Variants in LDLRAD4 observed in about 807,000 individuals in gnomAD.
LDLRAD4 encodes the protein low density lipoprotein receptor class A domain containing 4, also known as low-density lipoprotein receptor class A domain-containing protein 4.
Under a neutral mutation model 17.0 loss-of-function variants are expected in LDLRAD4, and 5 were observed. The ratio of observed to expected loss-of-function variants is 0.29; its 90% CI spans 0.15 to 0.62. The LOEUF (loss-of-function observed/expected upper bound fraction) is 0.62. LDLRAD4 is among the 20% of genes least tolerant of loss of function. The pLI is 0.84. For synonymous variants in LDLRAD4, 168 were observed against 171.8 expected (o/e 0.98, Z 0.17); for missense variants, 340 against 424.7 (o/e 0.80, Z 1.75).
Position 13,621,320 on chromosome 18 carries a change from CT to C in LDLRAD4, c.336+51del. The C allele has an allele frequency of 6.8e-7, 1 of 1,461,562 alleles. No individual in the cohort carries two copies. The highest frequency in any genetic ancestry group is 9.5e-7 in the Non-Finnish European group (1 of 1,051,064). The allele number at this position is 1,461,562 out of a possible 1,614,324, so 90.5% of individuals were successfully genotyped here. ...TCCAGAGTCAGGCAGCTGCAAGAGG[CT>C]TAGGAGCCCATCAGGGTTCAGAGGC... On this transcript the variant is annotated intron_variant, in intron 4 of 5. Coordinates refer to ENST00000359446, the Ensembl canonical transcript of LDLRAD4. This position sits in a 1 kb window ranked among gnomAD's most constrained non-coding sequence, Gnocchi z 5.5.
intron 5 of LDLRAD4, chr18:13,644,887 C>T: frequency 1.9e-6 from 1 of 520,734 alleles, no homozygotes; most frequent in Non-Finnish European, 3.4e-6. Flanking sequence ...CACAGCTCTC[C>T]ATTGCTCAGC....
intron 3 of LDLRAD4, among the ~76,000 whole-genome samples, chr18:13,579,967 G>C (rs2094833306): frequency 6.6e-6 from 1 of 152,086 alleles, no homozygotes. Flanking sequence ...CTCCCTTCTA[G>C]GGCCCCTAGT....
chr18:13,545,518 T>C (rs912134420), intron 3 of LDLRAD4, among the ~76,000 whole-genome samples: 1 of 152,146 alleles, frequency 6.6e-6, no homozygotes, highest in African/African-American at 2.4e-5. Context: ...TCATCTTGTC[T>C]TGTCCTGCTG....
intron 1 of LDLRAD4, among the ~76,000 whole-genome samples, chr18:13,304,174 C>T (rs1178397132): frequency 6.6e-6 from 1 of 152,216 alleles, no homozygotes; most frequent in Non-Finnish European, 1.5e-5. Flanking sequence ...CTTCCACACT[C>T]AGGGCTCATC....
At chr18:13,412,514 T>C (rs1232843691) in intron 2 of LDLRAD4, among the ~76,000 whole-genome samples, 3 of 152,208 alleles carry the variant, frequency 2.0e-5, no homozygotes, top group African/African-American at 7.2e-5. Flanking sequence ...CACTTCTCTC[T>C]CATCCATTCA....
intron 3 of LDLRAD4, among the ~76,000 whole-genome samples, chr18:13,452,896 A>G (rs1263530707): frequency 6.6e-6 from 1 of 152,086 alleles, no homozygotes; most frequent in Non-Finnish European, 1.5e-5. Flanking sequence ...CCCAGCGAGA[A>G]CCTCCAGGAA....
intron 3 of LDLRAD4, among the ~76,000 whole-genome samples, chr18:13,575,623 C>T (rs2148389779): frequency 6.6e-6 from 1 of 152,324 alleles, no homozygotes; most frequent in East Asian, 1.9e-4. Context: ...GTTCTTTCTA[C>T]TTTTAGTTCT....
At chr18:13,510,342 A>C (rs2093757956) in intron 3 of LDLRAD4, among the ~76,000 whole-genome samples, 1 of 152,188 alleles carries the variant, frequency 6.6e-6, no homozygotes, top group African/African-American at 2.4e-5. Context: ...TCTGCATGTC[A>C]TGCAGCCTCC....
chr18:13,590,181 G>A (rs2094998692), intron 3 of LDLRAD4, among the ~76,000 whole-genome samples: 1 of 151,738 alleles, frequency 6.6e-6, no homozygotes, highest in Non-Finnish European at 1.5e-5. Context: ...ATGGAGTACG[G>A]GGGAAGGAGA....
At chr18:13,584,037 G>T (rs2094902487) in intron 3 of LDLRAD4, among the ~76,000 whole-genome samples, 1 of 152,056 alleles carries the variant, frequency 6.6e-6, no homozygotes, top group Admixed American at 6.5e-5. Flanking sequence ...CACCCATCTT[G>T]CTGAGAGTGC....
chr18:13,248,144 G>A (rs1024391066), intron 1 of LDLRAD4, among the ~76,000 whole-genome samples: 7 of 151,878 alleles, frequency 4.6e-5, no homozygotes, highest in African/African-American at 1.7e-4. Flanking sequence ...TATTTTTTTA[G>A]TACATACACT....
rs1233530703 is a variant in LDLRAD4, at chr18:13,591,444, GTGTGTCTC to G, written c.182-29667_182-29660del. Among the ~76,000 whole-genome samples the G allele has an allele frequency of 2.2e-3, 338 of 151,934 alleles. 4 individuals are homozygous for G. Among genetic ancestry groups the G allele is most frequent in the African/African-American group, 8.0e-3 (331 of 41,424 alleles). On this transcript the variant is annotated intron_variant, in intron 3 of 5. Transcript: ENST00000359446. ...TGTGTGTGTGTGTCTGTGTGTGTGT[GTGTGTCTC>G]TGTGTGTGTGTGTCTGCCTGTTTAT...
intron 3 of LDLRAD4, among the ~76,000 whole-genome samples, chr18:13,524,673 AC>A (rs1307934339): frequency 1.3e-5 from 2 of 152,316 alleles, no homozygotes; most frequent in Non-Finnish European, 2.9e-5. Flanking sequence ...TTGCTCCAAA[AC>A]CTGCTCATTC....
chr18:13,429,342 A>G (rs2090168151), intron 2 of LDLRAD4, among the ~76,000 whole-genome samples: 1 of 152,234 alleles, frequency 6.6e-6, no homozygotes, highest in African/African-American at 2.4e-5. Context: ...TTGCAGCATT[A>G]AACTGTGGGA....
intron 1 of LDLRAD4, among the ~76,000 whole-genome samples, chr18:13,309,712 C>T (rs770638138): frequency 6.6e-6 from 1 of 151,884 alleles, no homozygotes; most frequent in Non-Finnish European, 1.5e-5. Flanking sequence ...TCCTGTGGCT[C>T]GGGAGGTGTG....
intron 2 of LDLRAD4, among the ~76,000 whole-genome samples, chr18:13,418,438 G>A (rs2089138317): frequency 6.6e-6 from 1 of 152,222 alleles, no homozygotes; most frequent in Non-Finnish European, 1.5e-5. Context: ...CTTCCTGCCT[G>A]ATGGACCCTT....
chr18:13,577,377 C>T (rs1157632129), intron 3 of LDLRAD4, among the ~76,000 whole-genome samples: 3 of 152,100 alleles, frequency 2.0e-5, no homozygotes, highest in African/African-American at 7.2e-5. Context: ...AGTCTCCAAG[C>T]GCGGCTGTGT....
intron 3 of LDLRAD4, among the ~76,000 whole-genome samples, chr18:13,579,402 G>A (rs2094824744): frequency 6.6e-6 from 1 of 152,138 alleles, no homozygotes; most frequent in Non-Finnish European, 1.5e-5. Context: ...GTGTAAGTGG[G>A]CCTGTCCCTT....
At chr18:13,525,006 C>G (rs10468690) in intron 3 of LDLRAD4, among the ~76,000 whole-genome samples, 287 of 152,322 alleles carry the variant, frequency 1.9e-3, no homozygotes, top group African/African-American at 6.5e-3. Flanking sequence ...TAATTACAAT[C>G]CCTGCAATTG....
Sources: gnomAD v4.1 joint callset for allele counts (sites outside exome capture counted in the v4.1 genomes callset) on GRCh38, gnomAD v4.1.1 for gene constraint, Gnocchi (gnomAD v3.1) non-coding constraint, MANE v1.5 for transcripts, NCBI Gene and HGNC (gene_info 2026-07-23, HGNC 2026-07-21) for gene names.